PLEKHM2: variants seen among roughly 807,000 people sequenced by gnomAD.
PLEKHM2 encodes the protein pleckstrin homology domain-containing family M member 2.
In PLEKHM2, 77 loss-of-function variants were observed where a neutral mutation model predicts 116.3. The ratio of observed to expected loss-of-function variants is 0.66; its 90% CI spans 0.55 to 0.80. PLEKHM2 has a LOEUF of 0.80. Among genes scored for constraint, PLEKHM2 ranks in the 30% least tolerant of loss-of-function variants. PLEKHM2 has a pLI of 0.00. For missense variants in PLEKHM2, 1,183 were observed against 1,354.9 expected (o/e 0.87, Z 1.99); for synonymous variants, 562 against 571.0 (o/e 0.98, Z 0.22).
intron 19 of PLEKHM2, 68 bp from the exon 20 acceptor site, chr1:15,733,729 C>T: frequency 6.5e-7 from 1 of 1,528,576 alleles, no homozygotes; most frequent in Non-Finnish European, 8.9e-7. Flanking sequence ...AGGCCTGGTG[C>T]CCACAAGCCC....
intron 6 of PLEKHM2, chr1:15,720,484 G>A (rs2067981662): frequency 2.0e-6 from 2 of 985,246 alleles, no homozygotes; most frequent in Non-Finnish European, 2.4e-6. Context: ...GGAAGAAGCT[G>A]CAGGTCATTT....
intron 1 of PLEKHM2, among the ~76,000 whole-genome samples, chr1:15,700,879 C>T (rs978708531): frequency 4.0e-5 from 6 of 151,762 alleles, no homozygotes; most frequent in South Asian, 2.1e-4. Flanking sequence ...TTTGGGAGGC[C>T]GAGGCAGGTA....
In PLEKHM2 at chr1:15,721,961, A is replaced by C. The variant is rs1223386708; in HGVS notation, c.712+573A>C. Among the ~76,000 whole-genome samples the C allele has an allele frequency of 6.6e-6, 1 of 152,024 alleles. No individual in the cohort carries two copies. Among genetic ancestry groups the C allele is most frequent in the African/African-American group, 2.4e-5 (1 of 41,382 alleles). On this transcript the variant is annotated intron_variant, in intron 7 of 19. Coordinates refer to ENST00000375799, the MANE Select transcript of PLEKHM2 (RefSeq NM_015164.4). This position sits in a 1 kb window ranked among gnomAD's most constrained non-coding sequence, Gnocchi z 5.1. ...TAAAAGGAAATCTGCCAGCCCTCCC[A>C]CCCTGTCTGCTGGGCAGTAGCAGTG... is the stretch of plus-strand genomic sequence containing the variant.
At chr1:15,730,005 G>A (rs1036869940) in intron 14 of PLEKHM2, 76 bp downstream of exon 14, 21 of 1,051,048 alleles carry the variant, frequency 2.0e-5, no homozygotes, top group Non-Finnish European at 2.3e-5. Context: ...GAGCGTTAAG[G>A]GATGCACGTG....
At chr1:15,713,857 C>T (rs1246210793) in intron 1 of PLEKHM2, among the ~76,000 whole-genome samples, 1 of 151,564 alleles carries the variant, frequency 6.6e-6, no homozygotes, top group Non-Finnish European at 1.5e-5. Flanking sequence ...CCAGGATGGT[C>T]TTGATCTCCT....
intron 6 of PLEKHM2, among the ~76,000 whole-genome samples, 183 bp downstream of exon 6, chr1:15,720,103 G>A (rs1481087707): frequency 6.8e-6 from 1 of 147,746 alleles, no homozygotes; most frequent in African/African-American, 2.5e-5. Flanking sequence ...GCTAAAAAGT[G>A]GATTCTGGGC....
At position 15,716,807 on chromosome 1, in the gene PLEKHM2, C is replaced by A; in HGVS notation, c.268C>A (p.Leu90Met). ...GGTGCTGCAGCACGTGGCCACCAAC[C>A]TGGGGCGCAGTGAGTAGTCACAAGG... The part of the protein sequence containing the change: ...IEVLQHVATN[L>M]GRSRAWLYLA... Residue 90 changes from leucine to methionine, a missense_variant, in exon 3 of 20, where the codon CTG becomes ATG. Physicochemically the swap from Leu to Met is conservative, Grantham distance 15 (BLOSUM62 2). Transcript: ENST00000375799. 3.2e-6 allele frequency: 5 copies of A among 1,562,978 alleles called. No individual in the cohort carries two copies. The highest frequency in any genetic ancestry group is 1.2e-5 in the South Asian group (1 of 84,718).
rs200979177 is a variant in PLEKHM2, at chr1:15,713,428, CA to C, written c.61-2806del. Among the ~76,000 whole-genome samples the C allele has an allele frequency of 6.3e-3, 965 of 152,152 alleles. 4 individuals carry two copies. The highest frequency in any genetic ancestry group is 0.021 in the African/African-American group (889 of 41,500). ...GTGTTGCTTCCATTTTTACAATGAA[CA>C]AATGTTTTCAGAATAATTTTTCTTT... On this transcript the variant is annotated intron_variant, in intron 1 of 19. Transcript: ENST00000375799.
chr1:15,708,447 C>T (rs1641267961), intron 1 of PLEKHM2, among the ~76,000 whole-genome samples: 1 of 146,726 alleles, frequency 6.8e-6, no homozygotes, highest in Admixed American at 6.9e-5. Context: ...GATCTCTTGA[C>T]CTTGTGATCC....
chr1:15,731,535 G>A (rs765080607), intron 16 of PLEKHM2, among the ~76,000 whole-genome samples: 1 of 152,138 alleles, frequency 6.6e-6, no homozygotes, highest in Non-Finnish European at 1.5e-5. Context: ...GGAGATGGAC[G>A]TTCGGGTATT....
At chr1:15,718,744 G>C in intron 5 of PLEKHM2, 119 bp downstream of exon 5, 1 of 667,038 alleles carries the variant, frequency 1.5e-6, no homozygotes, top group Non-Finnish European at 2.7e-6. Flanking sequence ...GTATGACTGG[G>C]CTTGAGCAAA....
At chr1:15,697,785 C>T (rs537131898) in intron 1 of PLEKHM2, among the ~76,000 whole-genome samples, 1 of 152,200 alleles carries the variant, frequency 6.6e-6, no homozygotes, top group East Asian at 1.9e-4. Flanking sequence ...TGTATGCCAC[C>T]ATGCCCAGCT....
chr1:15,712,117 T>TG (rs1389382322), intron 1 of PLEKHM2, among the ~76,000 whole-genome samples: 1 of 59,126 alleles, frequency 1.7e-5, no homozygotes, highest in African/African-American at 1.0e-4. Flanking sequence ...AGATTCAGTC[T>TG]CAAAAAAAAA....
rs1182256456 is a variant in PLEKHM2 at position 15,733,802 on chromosome 1, C to A, written c.2928C>A (p.Asp976Glu). 1 of 1,612,762 alleles carries A rather than the reference C, an allele frequency of 6.2e-7. No individual in the cohort carries two copies. Among genetic ancestry groups the A allele is most frequent in the East Asian group, 2.2e-5 (1 of 44,870 alleles). Reference protein sequence around the residue: ...NSGWKTIYQVDLPHTAIQEAS... With the variant: ...NSGWKTIYQVELPHTAIQEAS... ...CTCTGCACGCCCCAACACAGGTGGA[C>A]CTCCCCCACACGGCGATCCAGGAAG... is the stretch of plus-strand genomic sequence containing the variant. Residue 976 changes from aspartate (D) to glutamate (E), a missense_variant, in exon 20 of 20, where the codon GAC becomes GAA. Coordinates refer to ENST00000375799, the MANE Select transcript of PLEKHM2 (RefSeq NM_015164.4).
rs2068002055 is a variant in PLEKHM2, at chr1:15,721,917, T to C, written c.712+529T>C. Among the ~76,000 whole-genome samples, 1 of 152,210 alleles carries C rather than the reference T, an allele frequency of 6.6e-6. No individual in the cohort carries two copies. The highest frequency in any genetic ancestry group is 1.5e-5 in the Non-Finnish European group (1 of 68,038). On this transcript the variant is annotated intron_variant, in intron 7 of 19. Transcript: ENST00000375799. The surrounding 1 kb of genome is among the most constrained non-coding windows in gnomAD (Gnocchi z 5.1). The stretch of plus-strand genomic sequence containing the variant: ...GAAACTTCCTACAGACAGAATCTCT[T>C]TGAAGCTTTAAAGCAGATTAAAAGG...
chr1:15,723,994 T>A (rs61358144), intron 7 of PLEKHM2, among the ~76,000 whole-genome samples: 2,056 of 152,320 alleles, frequency 0.013, 42 homozygotes, highest in African/African-American at 0.047. Context: ...GCCTCAGCTC[T>A]CTGCTTGGGT....
At position 15,727,579 on chromosome 1, in the gene PLEKHM2, G is replaced by A. The variant is rs1239190853; in HGVS notation, c.1507G>A (p.Glu503Lys). 6.3e-7 allele frequency: 1 copy of A among 1,577,356 alleles called. No homozygotes were observed. The highest frequency in any genetic ancestry group is 8.6e-7 in the Non-Finnish European group (1 of 1,162,112). Reference protein sequence around the residue: ...VPSSPEAAGQEEEGGGGEGQT... With the variant: ...VPSSPEAAGQKEEGGGGEGQT... ...TAGTAGCCCTGAGGCTGCTGGCCAA[G>A]AAGAAGAGGGAGGAGGAGGAGAGGG... The change falls in exon 9 of 20, where the codon GAA becomes AAA. Residue 503 changes from glutamate to lysine, a missense_variant. Glu to Lys is a moderately conservative substitution (Grantham distance 56). Coordinates refer to ENST00000375799, the MANE Select transcript of PLEKHM2 (RefSeq NM_015164.4). This position sits in a 1 kb window ranked among gnomAD's most constrained non-coding sequence, Gnocchi z 7.5.
In PLEKHM2 at chr1:15,728,807, A is replaced by T; in HGVS notation, c.1986+74A>T. 7.4e-7 allele frequency: 1 copy of T among 1,359,576 alleles called. No individual in the cohort carries two copies. The highest frequency in any genetic ancestry group is 1.0e-6 in the Non-Finnish European group (1 of 970,938). 84.2% of individuals were successfully genotyped at this position (1,359,576 alleles called of 1,614,324 possible). A position where few individuals can be genotyped will look rare whatever the true frequency, so the allele number is the denominator to read the frequency against. On this transcript the variant is annotated intron_variant, in intron 12 of 19. Coordinates refer to ENST00000375799, the MANE Select transcript of PLEKHM2 (RefSeq NM_015164.4). The surrounding 1 kb of genome is among the most constrained non-coding windows in gnomAD (Gnocchi z 5.9). The stretch of plus-strand genomic sequence containing the variant: ...TCAAGCCACTTACCCATAGAACTGC[A>T]GGGCGAGGCACGGCCCCTTACTCCC...
rs1302306879 is a variant in PLEKHM2 at position 15,734,319 on chromosome 1, C to T, written c.*385C>T. On this transcript the variant is annotated 3_prime_UTR_variant, in exon 20 of 20. Transcript: ENST00000375799. Reference sequence around the variant, plus strand: ...GAGGGCGGGACCCCCCTCTTCCTCTCCTGGGTTGGGGGCTGGGGCCCTGAG... The same window carrying T: ...GAGGGCGGGACCCCCCTCTTCCTCTTCTGGGTTGGGGGCTGGGGCCCTGAG... The T allele has an allele frequency of 5.0e-6, 1 of 198,960 alleles. No homozygotes were observed. The allele number at this position is 198,960 out of a possible 1,614,324, so 12.3% of individuals were successfully genotyped here.
Sources: allele counts gnomAD v4.1 joint callset (sites outside exome capture counted in the v4.1 genomes callset), GRCh38; gene constraint gnomAD v4.1.1; non-coding constraint Gnocchi (gnomAD v3.1); transcripts MANE v1.5; gene names NCBI Gene and HGNC (gene_info 2026-07-23, HGNC 2026-07-21).